The following MACROD2 variants were observed in gnomAD, a reference collection of about 807,000 sequenced individuals.
The protein encoded by MACROD2 is mono-ADP ribosylhydrolase 2, also known as ADP-ribose glycohydrolase MACROD2.
A neutral mutation model predicts 70.4 loss-of-function variants in MACROD2; 36 were observed. The ratio of observed to expected loss-of-function variants is 0.51; its 90% CI spans 0.39 to 0.68. The LOEUF (loss-of-function observed/expected upper bound fraction) is 0.68, where lower values mean the gene tolerates loss of function less well. Ranked by LOEUF, MACROD2 falls within the 30% of genes least tolerant of loss-of-function variation. The probability of loss-of-function intolerance (pLI) is 0.00; values close to 1 mark genes in which losing one functional copy is unlikely to be tolerated. For missense variants in MACROD2, 496 were observed against 538.4 expected, an observed-to-expected ratio of 0.92 and a Z score of 0.78; for synonymous variants, 172 against 178.8, an observed-to-expected ratio of 0.96 and a Z score of 0.30.
chr20:15,358,137 C>T (rs1335517678), intron 6 of MACROD2, among the ~76,000 whole-genome samples: 1 of 152,114 alleles, frequency 6.6e-6, no homozygotes, highest in Admixed American at 6.6e-5. Flanking sequence ...GTTCATTCAG[C>T]TAATTCAAAA....
intron 6 of MACROD2, among the ~76,000 whole-genome samples, chr20:15,333,094 A>G (rs1326641218): frequency 1.3e-5 from 2 of 151,648 alleles, no homozygotes; most frequent in East Asian, 3.9e-4. Context: ...AAGTAGGAAC[A>G]CAAAGCTATT....
chr20:15,294,120 T>TAA (rs10644931), intron 6 of MACROD2, among the ~76,000 whole-genome samples: 14,833 of 118,116 alleles, frequency 0.13, 1,092 homozygotes, highest in Non-Finnish European at 0.17. Context: ...AAACTCTGTC[T>TAA]AAAAAAAAAA....
intron 12 of MACROD2, among the ~76,000 whole-genome samples, chr20:15,962,790 T>C (rs117983440): frequency 6.6e-5 from 10 of 152,164 alleles, no homozygotes; most frequent in Admixed American, 2.0e-4. Context: ...CAACTATAGC[T>C]CATTTGGGTC....
At chr20:14,002,578 A>C (rs1167765885) in intron 2 of MACROD2, among the ~76,000 whole-genome samples, 174 bp downstream of exon 2, 3 of 152,216 alleles carry the variant, frequency 2.0e-5, no homozygotes, top group African/African-American at 7.2e-5. Context: ...AACTTAGGAA[A>C]GTATATTAAC....
At chr20:15,906,038 C>A (rs963104721) in intron 10 of MACROD2, among the ~76,000 whole-genome samples, 1 of 152,210 alleles carries the variant, frequency 6.6e-6, no homozygotes, top group Non-Finnish European at 1.5e-5. Flanking sequence ...TCCCCACTGG[C>A]TTCTAACAAT....
intron 6 of MACROD2, among the ~76,000 whole-genome samples, chr20:15,330,543 T>C (rs1472258873): frequency 6.6e-6 from 1 of 151,548 alleles, no homozygotes; most frequent in African/African-American, 2.4e-5. Flanking sequence ...AAGCAGACCA[T>C]TTCCAGAGCA....
At chr20:14,891,287 G>A (rs535037960) in intron 5 of MACROD2, among the ~76,000 whole-genome samples, 51 of 152,064 alleles carry the variant, frequency 3.4e-4, no homozygotes, top group African/African-American at 1.2e-3. Flanking sequence ...TAACAGATAA[G>A]CACTTTAGAA....
At chr20:15,624,505 G>C (rs543129898) in intron 8 of MACROD2, among the ~76,000 whole-genome samples, 3 of 152,204 alleles carry the variant, frequency 2.0e-5, no homozygotes, top group Non-Finnish European at 4.4e-5. Context: ...CATATGGTGA[G>C]TAGAACTGTG....
At chr20:15,172,156 A>C (rs995552900) in intron 5 of MACROD2, among the ~76,000 whole-genome samples, 1 of 152,198 alleles carries the variant, frequency 6.6e-6, no homozygotes. Context: ...GAAGCTTCTA[A>C]GATTCTGTCA....
intron 10 of MACROD2, among the ~76,000 whole-genome samples, chr20:15,904,598 A>T (rs1601098633): frequency 6.6e-6 from 1 of 151,902 alleles, no homozygotes; most frequent in Non-Finnish European, 1.5e-5. Context: ...AGACAGTAAG[A>T]AAGAAAGAAA....
chr20:14,372,991 G>C (rs771729267), intron 3 of MACROD2, among the ~76,000 whole-genome samples: 4 of 152,078 alleles, frequency 2.6e-5, no homozygotes, highest in Non-Finnish European at 4.4e-5. Flanking sequence ...CCCACACTTA[G>C]ATTTTCTTTT....
chr20:15,336,482 T>C (rs2423934), intron 6 of MACROD2, among the ~76,000 whole-genome samples: 58,532 of 151,216 alleles, frequency 0.39, 11,944 homozygotes, highest in East Asian at 0.61. Flanking sequence ...TGCTATCTCT[T>C]TGACCCATCT....
intron 5 of MACROD2, among the ~76,000 whole-genome samples, chr20:14,789,191 G>A (rs2072416127): frequency 6.6e-6 from 1 of 151,686 alleles, no homozygotes; most frequent in East Asian, 1.9e-4. Context: ...ATCGAAACCT[G>A]TAAATCTCTT....
rs565429057 is a variant in MACROD2 at position 14,729,334 on chromosome 20, A to G, written c.418+44375A>G. Among the ~76,000 whole-genome samples the G allele has an allele frequency of 9.2e-5, 14 of 152,338 alleles. No homozygotes were observed. The East Asian group carries it at 1.5e-3, about 17-fold the overall frequency. On this transcript the variant is annotated intron_variant, in intron 5 of 17. Coordinates refer to ENST00000684519, the MANE Select transcript of MACROD2 (RefSeq NM_001351661.2). ...AATGATAAGATTGACTAGACTAGAT[A>G]TGTTGACAATCCTTTTATCACGCAT...
chr20:15,416,618 G>C (rs1006819694), intron 6 of MACROD2, among the ~76,000 whole-genome samples: 8 of 152,142 alleles, frequency 5.3e-5, no homozygotes, highest in African/African-American at 1.9e-4. Context: ...AAAAGTGGCT[G>C]TATTGGCTGG....
At chr20:15,714,032 C>T (rs1185679302) in intron 8 of MACROD2, among the ~76,000 whole-genome samples, 1 of 149,710 alleles carries the variant, frequency 6.7e-6, no homozygotes, top group Non-Finnish European at 1.5e-5. Flanking sequence ...CACACACACA[C>T]GGTATAAATG....
intron 5 of MACROD2, among the ~76,000 whole-genome samples, chr20:14,801,329 G>A (rs116872362): frequency 6.6e-6 from 1 of 152,206 alleles, no homozygotes; most frequent in Non-Finnish European, 1.5e-5. Context: ...AGTCCCTTAA[G>A]TCCGTGGACC....
At chr20:15,623,768 T>G (rs1278324185) in intron 8 of MACROD2, among the ~76,000 whole-genome samples, 2 of 152,138 alleles carry the variant, frequency 1.3e-5, no homozygotes, top group African/African-American at 4.8e-5. Flanking sequence ...CCTATCTATC[T>G]ATGTGTCTAT....
At chr20:15,855,798 T>C (rs1480842327) in intron 8 of MACROD2, among the ~76,000 whole-genome samples, 1 of 152,204 alleles carries the variant, frequency 6.6e-6, no homozygotes, top group Non-Finnish European at 1.5e-5. Context: ...CTTTTTTTTC[T>C]GGGTTCTGTT....
Sources: allele counts gnomAD v4.1 joint callset (sites outside exome capture counted in the v4.1 genomes callset), GRCh38; gene constraint gnomAD v4.1.1; transcripts MANE v1.5; gene names NCBI Gene and HGNC (gene_info 2026-07-23, HGNC 2026-07-21).